Variants in TAS2R1 observed in about 807,000 individuals in gnomAD.
TAS2R1 encodes taste receptor type 2 member 1.
For synonymous variants in TAS2R1, 141 were observed against 134.2 expected (o/e 1.05, Z -0.35); for missense variants, 370 against 353.4 (o/e 1.05, Z -0.38).
chr5:9,712,497 C>T (rs1734704025), upstream of TAS2R1: 1 of 152,206 alleles, frequency 6.6e-6, no homozygotes, highest in East Asian at 1.9e-4. Flanking sequence ...AGTTGACAGT[C>T]TTAAGAGCGA....
the TAS2R1 span, among the ~76,000 whole-genome samples, chr5:9,821,139 T>TA: frequency 2.0e-5 from 3 of 152,018 alleles, no homozygotes; most frequent in Non-Finnish European, 2.9e-5. Context: ...GTTCTAAATA[T>TA]AAAAAAACAA....
the TAS2R1 span, among the ~76,000 whole-genome samples, chr5:9,760,315 A>G: frequency 6.6e-6 from 1 of 152,218 alleles, no homozygotes; most frequent in East Asian, 1.9e-4. Flanking sequence ...AAGAAGATAG[A>G]AGTAGAGGGA....
At chr5:9,859,046 A>C in the TAS2R1 span, among the ~76,000 whole-genome samples, 1 of 152,208 alleles carries the variant, frequency 6.6e-6, no homozygotes, top group Non-Finnish European at 1.5e-5. Context: ...CAGATGCAAG[A>C]ACAATGATAG....
intron 1 of TAS2R1, among the ~76,000 whole-genome samples, chr5:9,687,471 A>T (rs1741150976): frequency 6.6e-6 from 1 of 152,182 alleles, no homozygotes; most frequent in Non-Finnish European, 1.5e-5. Flanking sequence ...GGGTTTTGAC[A>T]CATGCTGAAC....
chr5:9,768,192 C>T, the TAS2R1 span, among the ~76,000 whole-genome samples: 1 of 152,136 alleles, frequency 6.6e-6, no homozygotes, highest in East Asian at 1.9e-4. Context: ...CTGGAATGTT[C>T]TACCCGAAGT....
chr5:9,641,981 C>T (rs995630079), intron 2 of TAS2R1: 5 of 152,170 alleles, frequency 3.3e-5, no homozygotes, highest in African/African-American at 4.8e-5. Flanking sequence ...CCCTGTATTA[C>T]CCTGATTAAA....
the TAS2R1 span, among the ~76,000 whole-genome samples, chr5:9,784,883 CAACTT>C: frequency 6.6e-6 from 1 of 152,172 alleles, no homozygotes; most frequent in Non-Finnish European, 1.5e-5. Context: ...GACCTCATCT[CAACTT>C]AACTAATTAC....
the TAS2R1 span, among the ~76,000 whole-genome samples, chr5:9,899,359 G>A: frequency 2.6e-5 from 4 of 152,138 alleles, no homozygotes; most frequent in Admixed American, 6.5e-5. Flanking sequence ...AAAGGTGGCC[G>A]AGTGTGGTAG....
the TAS2R1 span, among the ~76,000 whole-genome samples, chr5:9,829,269 G>A: frequency 6.6e-6 from 1 of 152,172 alleles, no homozygotes; most frequent in Non-Finnish European, 1.5e-5. Context: ...AACCTCACTA[G>A]CACTTCTTCT....
chr5:9,785,933 T>C, the TAS2R1 span, among the ~76,000 whole-genome samples: 1 of 152,190 alleles, frequency 6.6e-6, no homozygotes, highest in Non-Finnish European at 1.5e-5. Flanking sequence ...TCCAAAGTTA[T>C]ATGACCACTG....
intron 1 of TAS2R1, among the ~76,000 whole-genome samples, chr5:9,686,777 A>G (rs1741133159): frequency 6.6e-6 from 1 of 152,208 alleles, no homozygotes; most frequent in Non-Finnish European, 1.5e-5. Context: ...AACTTAATAT[A>G]GGGAAATCCT....
the TAS2R1 span, among the ~76,000 whole-genome samples, chr5:9,844,509 C>G: frequency 6.6e-6 from 1 of 152,156 alleles, no homozygotes; most frequent in African/African-American, 2.4e-5. Flanking sequence ...TAAGTCTTCC[C>G]TGACATATTT....
intron 1 of TAS2R1, among the ~76,000 whole-genome samples, chr5:9,711,201 G>A (rs1741728855): frequency 6.6e-6 from 1 of 151,916 alleles, no homozygotes; most frequent in Non-Finnish European, 1.5e-5. Flanking sequence ...ATCTCAAAGA[G>A]ATACCTGCAC....
the TAS2R1 span, among the ~76,000 whole-genome samples, chr5:9,756,217 A>C: frequency 0.25 from 37,789 of 152,144 alleles, 5,323 homozygotes; most frequent in Middle Eastern, 0.41. Context: ...AGTAAAGCCT[A>C]AATTGCTGGC....
At chr5:9,718,123 C>CT in the TAS2R1 span, among the ~76,000 whole-genome samples, 1 of 147,554 alleles carries the variant, frequency 6.8e-6, no homozygotes. Context: ...CCATGCCCAG[C>CT]AATTTTTTTT....
chr5:9,760,730 A>G, the TAS2R1 span, among the ~76,000 whole-genome samples: 1 of 152,234 alleles, frequency 6.6e-6, no homozygotes, highest in Non-Finnish European at 1.5e-5. Flanking sequence ...TCAGTAGCTA[A>G]CATCATACTT....
At chr5:9,722,859 C>T in the TAS2R1 span, among the ~76,000 whole-genome samples, 4 of 152,220 alleles carry the variant, frequency 2.6e-5, no homozygotes, top group African/African-American at 7.2e-5. Flanking sequence ...AAGCCCTAGA[C>T]GGCTGCCATC....
the TAS2R1 span, chr5:9,903,388 T>G: frequency 7.9e-5 from 12 of 152,034 alleles, no homozygotes; most frequent in Non-Finnish European, 1.3e-4. Context: ...ATGGATAAGT[T>G]TTCCGTGGTG....
chr5:9,823,804 C>G, the TAS2R1 span, among the ~76,000 whole-genome samples: 10 of 152,168 alleles, frequency 6.6e-5, no homozygotes, highest in Non-Finnish European at 1.3e-4. Flanking sequence ...ACTGAAAATG[C>G]ATGCTCACTA....
Sources: gnomAD v4.1 joint callset for allele counts (sites outside exome capture counted in the v4.1 genomes callset) on GRCh38, gnomAD v4.1.1 for gene constraint, MANE v1.5 for transcripts, NCBI Gene and HGNC (gene_info 2026-07-23, HGNC 2026-07-21) for gene names.